GANC: variants seen among roughly 807,000 people sequenced by gnomAD.
The protein encoded by GANC is neutral alpha-glucosidase C.
In GANC, 117 loss-of-function variants were observed where a neutral mutation model predicts 124.2. That is an observed-to-expected ratio of 0.94 (90% confidence interval 0.81 to 1.10). GANC has a LOEUF of 1.10. Among genes scored for constraint, GANC ranks in the 50% least tolerant of loss-of-function variants. GANC has a pLI of 0.00. For missense variants in GANC, 1,140 were observed against 1,095.0 expected (o/e 1.04, Z -0.58); for synonymous variants, 377 against 376.8 (o/e 1.00, Z -0.01).
At chr15:42,295,703 A>G (rs1439140604) in intron 5 of GANC, among the ~76,000 whole-genome samples, 1 of 151,738 alleles carries the variant, frequency 6.6e-6, no homozygotes, top group African/African-American at 2.4e-5. Flanking sequence ...GAACAAAATT[A>G]AAAGTCAAGG....
At chr15:42,307,651 T>TA (rs2052011239) in intron 7 of GANC, among the ~76,000 whole-genome samples, 2 of 152,214 alleles carry the variant, frequency 1.3e-5, no homozygotes, top group African/African-American at 4.8e-5. Context: ...AGCTCTAAAA[T>TA]AATTGTTAAA....
chr15:42,273,609 C>A lies in GANC; in HGVS notation c.-873C>A. On this transcript the variant is annotated 5_prime_UTR_variant, in exon 1 of 24. In the 5' UTR this introduces an upstream ATG that the reference lacks. Transcript: ENST00000318010. ...TGCGCAGGCGTCATCCTGTTGGAAC[C>A]TGGTCAGCTGGGTTAGAGAGATCGC... is the stretch of plus-strand genomic sequence containing the variant. 2.6e-6 allele frequency: 2 copies of A among 755,244 alleles called. No individual in the cohort carries two copies. The highest frequency in any genetic ancestry group is 4.1e-6 in the Non-Finnish European group (2 of 482,038). The allele number at this position is 755,244 out of a possible 1,614,324, so 46.8% of individuals were successfully genotyped here.
At position 42,273,803 on chromosome 15, in the gene GANC, GCC is replaced by G. The variant is rs1318330005; in HGVS notation, c.-678_-677del. The G allele has an allele frequency of 4.2e-5, 9 of 213,964 alleles. No homozygotes were observed. In the Admixed American group the frequency reaches 4.7e-4, roughly 11 times the overall value. 13.3% of individuals were successfully genotyped at this position (213,964 alleles called of 1,614,324 possible). A position where few individuals can be genotyped will look rare whatever the true frequency, so the allele number is the denominator to read the frequency against. On this transcript the variant is annotated 5_prime_UTR_variant, in exon 1 of 24. The change creates a premature stop within an existing upstream ORF in the 5' untranslated region. Coordinates refer to ENST00000318010, the MANE Select transcript of GANC (RefSeq NM_198141.3). ...GCCAGAAAGTCTGGAAAAGCCCTAA[GCC>G]TGGCTGCCCAAGTGGCGTCTAGTAG...
intron 4 of GANC, among the ~76,000 whole-genome samples, chr15:42,288,061 C>T (rs987252565): frequency 6.6e-6 from 1 of 152,120 alleles, no homozygotes; most frequent in Admixed American, 6.5e-5. Context: ...TTTGATTCAT[C>T]AGGATTTATT....
chr15:42,276,101 T>G (rs2141008894), intron 1 of GANC, among the ~76,000 whole-genome samples: 1 of 152,340 alleles, frequency 6.6e-6, no homozygotes, highest in South Asian at 2.1e-4. Flanking sequence ...CAGTGATCTT[T>G]TCCCATTACT....
intron 5 of GANC, among the ~76,000 whole-genome samples, chr15:42,295,810 T>C (rs893179593): frequency 5.9e-5 from 9 of 152,130 alleles, no homozygotes; most frequent in South Asian, 2.1e-4. Flanking sequence ...TTGCCTTATA[T>C]AGTTTGATGC....
intron 6 of GANC, among the ~76,000 whole-genome samples, chr15:42,301,572 C>T (rs921684284): frequency 1.3e-5 from 2 of 152,064 alleles, no homozygotes; most frequent in African/African-American, 2.4e-5. Context: ...GGATCCCACC[C>T]CCACAGAACC....
chr15:42,281,801 A>G (rs188143246), intron 3 of GANC, among the ~76,000 whole-genome samples: 1 of 152,362 alleles, frequency 6.6e-6, no homozygotes, highest in East Asian at 1.9e-4. Flanking sequence ...ATCCTTCAGG[A>G]TAGTAGAAAA....
intron 7 of GANC, among the ~76,000 whole-genome samples, chr15:42,307,858 T>C (rs565924908): frequency 5.3e-5 from 8 of 152,290 alleles, no homozygotes; most frequent in African/African-American, 1.9e-4. Context: ...CAATATCCTT[T>C]GCTTCCTAAA....
At chr15:42,292,539 C>T (rs959471713) in intron 4 of GANC, among the ~76,000 whole-genome samples, 196 bp from the exon 5 acceptor site, 5 of 152,060 alleles carry the variant, frequency 3.3e-5, no homozygotes, top group South Asian at 2.1e-4. Flanking sequence ...GAAGTTATAA[C>T]GTATATGATA....
Position 42,348,100 on chromosome 15 carries a change from C to T in GANC, c.2305-3C>T. The stretch of plus-strand genomic sequence containing the variant: ...CTTCCCTGAGCGTGCTGCTCTGTTA[C>T]AGATTCCAGTGTTTCAGCGAGGTGG... On this transcript the variant is annotated splice_region_variant and splice_polypyrimidine_tract_variant and intron_variant, in intron 20 of 23. Coordinates refer to ENST00000318010, the MANE Select transcript of GANC (RefSeq NM_198141.3). The T allele has an allele frequency of 6.3e-7, 1 of 1,575,914 alleles. No individual in the cohort carries two copies. The highest frequency in any genetic ancestry group is 1.1e-5 in the South Asian group (1 of 87,374).
At chr15:42,275,464 G>A (rs974688256) in intron 1 of GANC, among the ~76,000 whole-genome samples, 15 of 152,186 alleles carry the variant, frequency 9.9e-5, no homozygotes, top group Non-Finnish European at 1.5e-4. Context: ...AAGTATATCT[G>A]CCTGGGCTTG....
chr15:42,331,948 A>G (rs1270255032), intron 15 of GANC, among the ~76,000 whole-genome samples: 2 of 152,160 alleles, frequency 1.3e-5, no homozygotes, highest in Non-Finnish European at 1.5e-5. Context: ...TATTAGATGT[A>G]CATATTTTCA....
At chr15:42,350,797 C>A (rs1566963256) in intron 22 of GANC, among the ~76,000 whole-genome samples, 1 of 151,900 alleles carries the variant, frequency 6.6e-6, no homozygotes, top group African/African-American at 2.4e-5. Context: ...CTCAAGTGAT[C>A]CGCCCACGTT....
At chr15:42,320,192 T>G (rs893794991) in intron 10 of GANC, among the ~76,000 whole-genome samples, 1 of 48,842 alleles carries the variant, frequency 2.0e-5, no homozygotes, top group South Asian at 1.0e-3. Flanking sequence ...TAAAAATAAA[T>G]TAATTAATTA....
intron 6 of GANC, among the ~76,000 whole-genome samples, chr15:42,301,415 C>T (rs1343910406): frequency 6.6e-6 from 1 of 152,116 alleles, no homozygotes; most frequent in Non-Finnish European, 1.5e-5. Flanking sequence ...CTGCACAAAA[C>T]TGGGTGGCTG....
chr15:42,276,994 A>G (rs1168609735), intron 2 of GANC, among the ~76,000 whole-genome samples: 4 of 152,098 alleles, frequency 2.6e-5, no homozygotes, highest in Non-Finnish European at 4.4e-5. Context: ...TACTATTAAT[A>G]TAATTTATTC....
chr15:42,297,591 CTTTA>C lies in GANC; in HGVS notation c.513-15_513-12del, dbSNP rs1459526092. On this transcript the variant is annotated splice_polypyrimidine_tract_variant and intron_variant, in intron 5 of 23. Coordinates refer to ENST00000318010, the MANE Select transcript of GANC (RefSeq NM_198141.3). ...TCAGTCTTGCCATTGAGTGAAACAACTTTATTTACGTTAAAACAGAGCTGCTAAA... is the reference window on the plus strand; with the variant it reads ...TCAGTCTTGCCATTGAGTGAAACAACTTTACGTTAAAACAGAGCTGCTAAA... 16 of 1,604,852 alleles carry C rather than the reference CTTTA, an allele frequency of 1.0e-5. No homozygotes were observed. The highest frequency in any genetic ancestry group is 1.4e-5 in the Non-Finnish European group (16 of 1,174,340).
intron 11 of GANC, among the ~76,000 whole-genome samples, chr15:42,322,425 T>G (rs2141057263): frequency 6.6e-6 from 1 of 152,244 alleles, no homozygotes; most frequent in East Asian, 1.9e-4. Flanking sequence ...CCCAAGCTGG[T>G]TTGAAAATGG....
Sources: allele counts gnomAD v4.1 joint callset (sites outside exome capture counted in the v4.1 genomes callset), GRCh38; gene constraint gnomAD v4.1.1; transcripts MANE v1.5; gene names NCBI Gene and HGNC (gene_info 2026-07-23, HGNC 2026-07-21).